Variants in ZNF607 observed in about 807,000 individuals in gnomAD.
ZNF607 encodes zinc finger protein 607.
Under a neutral mutation model 12.8 loss-of-function variants are expected in ZNF607, and 5 were observed. The ratio of observed to expected loss-of-function variants is 0.39; its 90% CI spans 0.20 to 0.82. The LOEUF is 0.82. Among genes scored for constraint, ZNF607 ranks in the 40% least tolerant of loss-of-function variants. The pLI, the probability that ZNF607 is intolerant of heterozygous loss-of-function variation, is 0.39. For missense variants in ZNF607, 851 were observed against 859.2 expected, an observed-to-expected ratio of 0.99 and a Z score of 0.12; for synonymous variants, 287 against 276.2, an observed-to-expected ratio of 1.04 and a Z score of -0.39.
chr19:37,698,595 C>T lies in ZNF607; in HGVS notation c.1536G>A (p.Lys512=), dbSNP rs760407422. 9 of 1,613,914 alleles carry T rather than the reference C, an allele frequency of 5.6e-6. No individual in the cohort carries two copies. In the African/African-American group the frequency reaches 9.3e-5, roughly 17 times the overall value. The stretch of plus-strand genomic sequence containing the variant: ...TAAGTTGTCCAGATACACTAAAGGC[C>T]TTCCCACATTCCTTACATTCATAAG... ...EKPYECKECG[K]AFSVSGQLTQ... Residue 512 remains lysine (K), a synonymous_variant, in exon 5 of 5, where the codon AAG becomes AAA. Transcript: ENST00000355202.
Position 37,698,420 on chromosome 19 carries a change from G to A in ZNF607, c.1711C>T (p.Arg571Cys), listed in dbSNP as rs763040448. 2.0e-5 allele frequency: 32 copies of A among 1,613,976 alleles called. No individual in the cohort carries two copies. In the Admixed American group the frequency reaches 2.0e-4, roughly 10 times the overall value. Residue 571 changes from arginine (R) to cysteine (C), a missense_variant, in exon 5 of 5, where the codon CGT becomes TGT. Arg to Cys is a radical substitution (Grantham distance 180). Transcript: ENST00000355202. ...YECKECGKAFRHATSLIYHDR... is the reference protein window; with the variant it reads ...YECKECGKAFCHATSLIYHDR... The stretch of plus-strand genomic sequence containing the variant: ...TGATATATGAGGCTTGTGGCATGAC[G>A]AAAGGCCTTGCCACATTCCTTACAT...
intron 4 of ZNF607, among the ~76,000 whole-genome samples, chr19:37,705,822 TC>T (rs1332432875): frequency 6.6e-6 from 1 of 152,044 alleles, no homozygotes; most frequent in Middle Eastern, 3.2e-3. Context: ...TTTCTCTCTC[TC>T]CCCCACCCCT....
intron 3 of ZNF607, among the ~76,000 whole-genome samples, chr19:37,709,473 A>C (rs938036815): frequency 1.3e-5 from 2 of 152,220 alleles, no homozygotes; most frequent in Non-Finnish European, 2.9e-5. Flanking sequence ...CAAATAAAAG[A>C]GGTATCAGAG....
In ZNF607 at chr19:37,699,232, T is replaced by C; in HGVS notation, c.899A>G (p.Lys300Arg). The C allele has an allele frequency of 6.2e-7, 1 of 1,614,170 alleles. No homozygotes were observed. Among genetic ancestry groups the C allele is most frequent in the Non-Finnish European group, 8.5e-7 (1 of 1,180,014 alleles). Residue 300 changes from lysine to arginine, a missense_variant, in exon 5 of 5, where the codon AAA (lysine) becomes AGA (arginine). Coordinates refer to ENST00000355202, the MANE Select transcript of ZNF607 (RefSeq NM_032689.5). ...GGGTTTTTCTCCAGTATGAATTCTT[T>C]TATGACCCACAAGGTGGGAAAACTG... ...FRQFSHLVGH[K>R]RIHTGEKPYE...
chr19:37,714,723 G>A (rs891832236), intron 1 of ZNF607, among the ~76,000 whole-genome samples: 5 of 152,112 alleles, frequency 3.3e-5, no homozygotes, highest in Admixed American at 6.5e-5. Context: ...GCAAATAAGG[G>A]ATAGGAATAT....
rs768861276 is a variant in ZNF607, at chr19:37,698,729, C to A, written c.1402G>T (p.Glu468Ter). The A allele has an allele frequency of 6.2e-7, 1 of 1,613,292 alleles. No homozygotes were observed. Among genetic ancestry groups the A allele is most frequent in the South Asian group, 1.1e-5 (1 of 91,062 alleles). Residue 468 changes from glutamate (E) to a stop codon, truncating the protein, a stop_gained, in exon 5 of 5, where the codon GAG becomes TAG. Transcript: ENST00000355202. LOFTEE classifies it low-confidence loss of function (END_TRUNC). ...FRCASYLVIHERIHTGEKPYV... is the reference protein window; with the variant it reads ...FRCASYLVIH The stretch of plus-strand genomic sequence containing the variant: ...GGTTTCTCTCCTGTATGAATTCTCT[C>A]ATGTATAACAAGATATGAGGCACAA...
In ZNF607 at chr19:37,696,683, A is replaced by G; in HGVS notation, c.*1357T>C. ...AGGCAGGTGATGTTCCGAGAGCATG[A>G]GAGCTGGTATGCAATGTCTTCTGCA... On this transcript the variant is annotated 3_prime_UTR_variant, in exon 5 of 5. Coordinates refer to ENST00000355202, the MANE Select transcript of ZNF607 (RefSeq NM_032689.5). 1.4e-6 allele frequency: 1 copy of G among 726,536 alleles called. No individual in the cohort carries two copies. Among genetic ancestry groups the G allele is most frequent in the Non-Finnish European group, 2.5e-6 (1 of 402,200 alleles). The allele number at this position is 726,536 out of a possible 1,614,324, so 45.0% of individuals were successfully genotyped here. A position where few individuals can be genotyped will look rare whatever the true frequency, so the allele number is the denominator to read the frequency against.
chr19:37,706,214 GAA>G (rs2045082086), intron 4 of ZNF607, among the ~76,000 whole-genome samples: 1 of 149,772 alleles, frequency 6.7e-6, no homozygotes, highest in Non-Finnish European at 1.5e-5. Flanking sequence ...AAAGAGAGGA[GAA>G]GAGAGGAGAA....
At chr19:37,716,682 A>G (rs1252448241) in intron 1 of ZNF607, among the ~76,000 whole-genome samples, 1 of 152,220 alleles carries the variant, frequency 6.6e-6, no homozygotes, top group East Asian at 1.9e-4. Context: ...CTCTCTGGGC[A>G]GGGAGGTTTG....
chr19:37,714,340 A>ACAACAACAACAACAG lies in ZNF607; in HGVS notation c.-74-2649_-74-2648insCTGTTGTTGTTGTTG, dbSNP rs546794308. ...AACAACAACAACAACAACAACAACA[A>ACAACAACAACAACAG]CAGCAGCAGCAGCAGCAGCAGCAGC... On this transcript the variant is annotated intron_variant, in intron 1 of 4. Transcript: ENST00000355202. 8.1e-3 allele frequency among the ~76,000 whole-genome samples: 1,197 copies of ACAACAACAACAACAG among 148,286 alleles called. 6 individuals carry two copies. Among genetic ancestry groups the ACAACAACAACAACAG allele is most frequent in the Non-Finnish European group, 7.8e-3 (528 of 67,440 alleles).
chr19:37,714,350 C>CAGG (rs2045157429), intron 1 of ZNF607, among the ~76,000 whole-genome samples: 2 of 150,762 alleles, frequency 1.3e-5, no homozygotes, highest in South Asian at 4.2e-4. Flanking sequence ...ACAGCAGCAG[C>CAGG]AGCAGCAGCA....
Position 37,696,605 on chromosome 19 carries a change from G to A in ZNF607, c.*1435C>T. The stretch of plus-strand genomic sequence containing the variant: ...GCCCAGTTGCCTCACGGAGGTGCAG[G>A]TAGGCTGGGGCCTCACTAGGGCAGC... On this transcript the variant is annotated 3_prime_UTR_variant, in exon 5 of 5. Coordinates refer to ENST00000355202, the MANE Select transcript of ZNF607 (RefSeq NM_032689.5). The A allele has an allele frequency of 1.7e-6, 1 of 579,114 alleles. No individual in the cohort carries two copies. The highest frequency in any genetic ancestry group is 3.2e-5 in the East Asian group (1 of 31,228). 35.9% of individuals were successfully genotyped at this position (579,114 alleles called of 1,614,324 possible).
chr19:37,701,761 A>G (rs2045040804), intron 4 of ZNF607, among the ~76,000 whole-genome samples: 1 of 152,258 alleles, frequency 6.6e-6, no homozygotes, highest in South Asian at 2.1e-4. Flanking sequence ...GCCAGGCTCA[A>G]TGGCTAATGC....
rs752303193 is a variant in ZNF607, at chr19:37,699,738, TA to T, written c.392del (p.Val131AspfsTer394). Reference sequence around the variant, plus strand: ...CCTCACTAGTATGAATTGTTTGATGTACCATGAGTTCTGTAAGATGACTAAA... The same window carrying T: ...CCTCACTAGTATGAATTGTTTGATGTCCATGAGTTCTGTAAGATGACTAAA... The part of the protein sequence containing the change: ...KSFSHLTELM[V>X]HQTIHTSEEP... On this transcript the variant is annotated frameshift_variant, in exon 5 of 5. Transcript: ENST00000355202. LOFTEE classifies it low-confidence loss of function (END_TRUNC). 4 of 1,614,088 alleles carry T rather than the reference TA, an allele frequency of 2.5e-6. No individual in the cohort carries two copies. Among genetic ancestry groups the T allele is most frequent in the Non-Finnish European group, 3.4e-6 (4 of 1,180,006 alleles).
Position 37,709,836 on chromosome 19 carries a change from C to T in ZNF607, c.10-14G>A, listed in dbSNP as rs1346403718. 6 of 1,610,432 alleles carry T rather than the reference C, an allele frequency of 3.7e-6. No individual in the cohort carries two copies. The African/African-American group carries it at 5.3e-5, about 14-fold the overall frequency. ...TGTTATTGATCCCTGAAACAGCAAA[C>T]CCATGTATTACTGGGGAAATTCCAA... On this transcript the variant is annotated splice_polypyrimidine_tract_variant and intron_variant, in intron 2 of 4. Coordinates refer to ENST00000355202, the MANE Select transcript of ZNF607 (RefSeq NM_032689.5).
intron 4 of ZNF607, among the ~76,000 whole-genome samples, chr19:37,705,122 C>T (rs1373565634): frequency 6.6e-6 from 1 of 151,244 alleles, no homozygotes; most frequent in Non-Finnish European, 1.5e-5. Flanking sequence ...AAACCAAAAG[C>T]CGATTATTTG....
intron 2 of ZNF607, 26 bp from the exon 3 acceptor site, chr19:37,709,848 TG>T: frequency 6.2e-7 from 1 of 1,605,372 alleles, no homozygotes; most frequent in Non-Finnish European, 8.5e-7. Context: ...CATGTATTAC[TG>T]GGGAAATTCC....
chr19:37,708,983 T>C (rs896637789), intron 3 of ZNF607, among the ~76,000 whole-genome samples: 4 of 152,068 alleles, frequency 2.6e-5, no homozygotes, highest in Non-Finnish European at 5.9e-5. Context: ...CTGTTGGGAG[T>C]ATTAAATTAC....
chr19:37,704,307 T>C (rs778008388), intron 4 of ZNF607, among the ~76,000 whole-genome samples: 2 of 152,032 alleles, frequency 1.3e-5, no homozygotes, highest in African/African-American at 4.8e-5. Context: ...AACACCAACA[T>C]ATACAATATT....
Sources: gnomAD v4.1 joint callset for allele counts (sites outside exome capture counted in the v4.1 genomes callset) on GRCh38, gnomAD v4.1.1 for gene constraint, MANE v1.5 for transcripts, NCBI Gene and HGNC (gene_info 2026-07-23, HGNC 2026-07-21) for gene names.